Variants in PALM2AKAP2 observed in about 807,000 individuals in gnomAD.
PALM2AKAP2 encodes the protein PALM2-AKAP2 fusion protein.
PALM2AKAP2 carries 37 observed loss-of-function variants against 71.5 expected under a neutral mutation model. The ratio of observed to expected loss-of-function variants is 0.52; its 90% CI spans 0.40 to 0.68. The LOEUF (loss-of-function observed/expected upper bound fraction) is 0.68, where lower values mean the gene tolerates loss of function less well. Ranked by LOEUF, PALM2AKAP2 falls within the 30% of genes least tolerant of loss-of-function variation. The pLI is 0.00. For synonymous variants in PALM2AKAP2, 468 were observed against 478.8 expected (o/e 0.98, Z 0.29); for missense variants, 1,224 against 1,191.8 (o/e 1.03, Z -0.40).
At chr9:110,126,337 C>G (rs1377374863) in intron 1 of PALM2AKAP2, among the ~76,000 whole-genome samples, 1 of 152,182 alleles carries the variant, frequency 6.6e-6, no homozygotes, top group Non-Finnish European at 1.5e-5. Flanking sequence ...AACCCAAGAT[C>G]TGGAACTATT....
chr9:109,651,538 GCTCACACAGCA>G (rs1827225483), intron 1 of PALM2AKAP2, among the ~76,000 whole-genome samples: 1 of 152,160 alleles, frequency 6.6e-6, no homozygotes, highest in Non-Finnish European at 1.5e-5. Flanking sequence ...TGGGATCCTA[GCTCACACAGCA>G]TGTGAGGATA....
intron 1 of PALM2AKAP2, among the ~76,000 whole-genome samples, chr9:109,830,002 C>G (rs972856350): frequency 3.3e-5 from 5 of 152,154 alleles, no homozygotes; most frequent in African/African-American, 1.2e-4. Context: ...GTGGGAGATG[C>G]ATGAATTACC....
chr9:109,792,642 AG>A (rs1827147876), intron 1 of PALM2AKAP2, among the ~76,000 whole-genome samples: 1 of 152,042 alleles, frequency 6.6e-6, no homozygotes, highest in Non-Finnish European at 1.5e-5. Flanking sequence ...TGAGGGTGGG[AG>A]GGTTGACCAG....
intron 2 of PALM2AKAP2, among the ~76,000 whole-genome samples, chr9:110,155,931 G>A (rs1489989939): frequency 2.0e-5 from 3 of 152,146 alleles, no homozygotes; most frequent in African/African-American, 4.8e-5. Flanking sequence ...AGCCTCAAGC[G>A]CTTTCATCTG....
At chr9:109,867,404 GTGCTGCTGC>G in intron 1 of PALM2AKAP2, 78 bp from the exon 2 acceptor site, 4 of 1,467,756 alleles carry the variant, frequency 2.7e-6, no homozygotes, top group Admixed American at 1.7e-5. Context: ...ATACAGATGT[GTGCTGCTGC>G]TGCTGCTGCT....
intron 1 of PALM2AKAP2, among the ~76,000 whole-genome samples, chr9:110,092,463 T>C (rs1457432106): frequency 6.6e-6 from 1 of 152,256 alleles, no homozygotes; most frequent in Non-Finnish European, 1.5e-5. Context: ...ATTATATGCT[T>C]TTTTAAACCC....
chr9:109,674,362 T>A (rs1587862826), intron 1 of PALM2AKAP2, among the ~76,000 whole-genome samples: 1 of 152,152 alleles, frequency 6.6e-6, no homozygotes, highest in East Asian at 1.9e-4. Flanking sequence ...TGGCTACAGG[T>A]CACATTTTCC....
At chr9:109,641,608 ACT>A (rs1197074700) in intron 1 of PALM2AKAP2, among the ~76,000 whole-genome samples, 1 of 151,550 alleles carries the variant, frequency 6.6e-6, no homozygotes, top group Non-Finnish European at 1.5e-5. Flanking sequence ...CTTTTTGGAC[ACT>A]CTCTCGAGCT....
At chr9:109,925,027 A>G in intron 4 of PALM2AKAP2, 34 bp from the exon 5 acceptor site, 1 of 1,614,036 alleles carries the variant, frequency 6.2e-7, no homozygotes, top group Non-Finnish European at 8.5e-7. Flanking sequence ...CCCCACATGT[A>G]GAGTAACGCT....
chr9:109,715,118 A>G (rs1203112678), intron 1 of PALM2AKAP2, among the ~76,000 whole-genome samples: 3 of 152,188 alleles, frequency 2.0e-5, no homozygotes, highest in Non-Finnish European at 4.4e-5. Context: ...TCTTTTGAAA[A>G]CAGGCATAAT....
intron 1 of PALM2AKAP2, among the ~76,000 whole-genome samples, chr9:109,799,072 C>T (rs1442618390): frequency 6.6e-6 from 1 of 152,194 alleles, no homozygotes; most frequent in Non-Finnish European, 1.5e-5. Context: ...CCTAACCTCC[C>T]CAAGAGGGCA....
intron 6 of PALM2AKAP2, among the ~76,000 whole-genome samples, chr9:110,014,242 A>T (rs1445591533): frequency 6.6e-6 from 1 of 152,140 alleles, no homozygotes; most frequent in Non-Finnish European, 1.5e-5. Flanking sequence ...AGAGAAAAGT[A>T]TTTTTTTAGG....
chr9:109,835,585 G>A (rs1263605259), intron 1 of PALM2AKAP2, among the ~76,000 whole-genome samples: 12 of 152,246 alleles, frequency 7.9e-5, no homozygotes, highest in South Asian at 6.2e-4. Flanking sequence ...GCGAGGCATC[G>A]CCTCACCCAG....
intron 1 of PALM2AKAP2, among the ~76,000 whole-genome samples, chr9:109,832,040 A>G (rs1828314954): frequency 6.6e-6 from 1 of 152,164 alleles, no homozygotes; most frequent in South Asian, 2.1e-4. Context: ...TTTTATCCCA[A>G]TTCCAGTTCC....
intron 1 of PALM2AKAP2, among the ~76,000 whole-genome samples, chr9:110,067,578 G>A (rs1834109175): frequency 6.6e-6 from 1 of 152,140 alleles, no homozygotes; most frequent in African/African-American, 2.4e-5. Context: ...TCTTAAAAAA[G>A]GCATCAATGG....
rs573745044 is a variant in PALM2AKAP2 at position 109,831,444 on chromosome 9, G to A, written c.46-36047G>A. Among the ~76,000 whole-genome samples, 3 of 141,132 alleles carry A rather than the reference G, an allele frequency of 2.1e-5. No individual in the cohort carries two copies. In the East Asian group the frequency reaches 6.4e-4, roughly 30 times the overall value. The allele number at this position is 141,132 out of a possible 152,430, so 92.6% of individuals were successfully genotyped here. On this transcript the variant is annotated intron_variant, in intron 1 of 9. Coordinates refer to the PALM2AKAP2 transcript ENST00000302798. ...ATAGGCAAACACTTGACACCCCTAGGCTACCACCTGTCCTGTTGTGTGGAT... is the reference window on the plus strand; with the variant it reads ...ATAGGCAAACACTTGACACCCCTAGACTACCACCTGTCCTGTTGTGTGGAT...
intron 1 of PALM2AKAP2, among the ~76,000 whole-genome samples, chr9:109,698,874 T>TTGAGAGTC (rs1365337318): frequency 6.6e-6 from 1 of 152,210 alleles, no homozygotes; most frequent in Non-Finnish European, 1.5e-5. Flanking sequence ...AGACTTACTT[T>TTGAGAGTC]TGAGAGTCAG....
intron 6 of PALM2AKAP2, among the ~76,000 whole-genome samples, chr9:109,988,786 A>T (rs1405651681): frequency 6.6e-6 from 1 of 152,152 alleles, no homozygotes; most frequent in African/African-American, 2.4e-5. Context: ...TTGTATCCCT[A>T]CCCAAATCGT....
At position 109,916,584 on chromosome 9, in the gene PALM2AKAP2, C is replaced by T. The variant is rs78153690; in HGVS notation, c.258-7151C>T. Among the ~76,000 whole-genome samples, 1,517 of 152,352 alleles carry T rather than the reference C, an allele frequency of 1.0e-2. 30 individuals are homozygous for T. The highest frequency in any genetic ancestry group is 0.034 in the African/African-American group (1,429 of 41,572). ...TATGCTGGGCCTTGGCCCATGCTGT[C>T]TCCTCTGCCTGGCTCATTTTCTCCT... On this transcript the variant is annotated intron_variant, in intron 3 of 9. Transcript: ENST00000302798.
Sources: allele counts gnomAD v4.1 joint callset (sites outside exome capture counted in the v4.1 genomes callset), GRCh38; gene constraint gnomAD v4.1.1; transcripts MANE v1.5; gene names NCBI Gene and HGNC (gene_info 2026-07-23, HGNC 2026-07-21).